Variants in AOPEP observed in about 807,000 individuals in gnomAD.
AOPEP encodes the protein aminopeptidase O (putative), also known as aminopeptidase O.
Under a neutral mutation model 98.1 loss-of-function variants are expected in AOPEP, and 77 were observed. That is an observed-to-expected ratio of 0.78 (90% CI 0.65 to 0.95). AOPEP has a LOEUF of 0.95. Ranked by LOEUF, AOPEP falls within the 40% of genes least tolerant of loss-of-function variation. The pLI is 0.00. For synonymous variants in AOPEP, 346 were observed against 365.3 expected (o/e 0.95, Z 0.60); for missense variants, 1,024 against 1,024.7 (o/e 1.00, Z 0.01).
chr9:94,926,814 G>A (rs1174385795), intron 6 of AOPEP, among the ~76,000 whole-genome samples: 3 of 152,080 alleles, frequency 2.0e-5, no homozygotes, highest in East Asian at 1.9e-4. Flanking sequence ...GGTGGGTTGC[G>A]GGGGACATGT....
At chr9:95,037,225 T>C (rs930446104) in intron 13 of AOPEP, among the ~76,000 whole-genome samples, 3 of 152,208 alleles carry the variant, frequency 2.0e-5, no homozygotes, top group African/African-American at 7.2e-5. Flanking sequence ...TAGCCTTTAT[T>C]TTGATTTTTT....
the AOPEP span, among the ~76,000 whole-genome samples, chr9:95,105,527 TATAC>T: frequency 1.3e-5 from 2 of 152,178 alleles, no homozygotes. Context: ...TGTGGTAAAA[TATAC>T]ATAAAATGTG....
chr9:94,733,859 C>A (rs547651743), intron 1 of AOPEP, among the ~76,000 whole-genome samples: 2 of 152,228 alleles, frequency 1.3e-5, no homozygotes, highest in Admixed American at 1.3e-4. Flanking sequence ...AATACATGTT[C>A]AGTTTACCAC....
intron 1 of AOPEP, among the ~76,000 whole-genome samples, chr9:94,749,346 A>G (rs1835181214): frequency 6.6e-6 from 1 of 152,048 alleles, no homozygotes; most frequent in African/African-American, 2.4e-5. Flanking sequence ...GATGCTTCAG[A>G]TCCATCTTGT....
At chr9:95,126,814 T>C in the AOPEP span, 5 of 509,742 alleles carry the variant, frequency 9.8e-6, no homozygotes, top group Non-Finnish European at 1.8e-5. Flanking sequence ...TACTCCTGTA[T>C]GTCCCACATT....
intron 11 of AOPEP, among the ~76,000 whole-genome samples, chr9:94,985,523 T>C (rs1404149739): frequency 1.3e-5 from 2 of 152,214 alleles, no homozygotes; most frequent in Non-Finnish European, 2.9e-5. Context: ...GTATTATCAA[T>C]ATAATTTTAA....
intron 3 of AOPEP, among the ~76,000 whole-genome samples, chr9:94,789,846 G>A (rs111890877): frequency 0.065 from 9,937 of 151,784 alleles, 1,080 homozygotes; most frequent in African/African-American, 0.23. Flanking sequence ...GGATTTGATT[G>A]TCCCTTTAAG....
chr9:95,093,796 A>G, the AOPEP span, among the ~76,000 whole-genome samples: 1 of 152,080 alleles, frequency 6.6e-6, no homozygotes, highest in East Asian at 1.9e-4. Flanking sequence ...CATTGCATGG[A>G]CGCGCTGTAA....
At chr9:94,807,725 C>T (rs564619695) in intron 5 of AOPEP, among the ~76,000 whole-genome samples, 28 of 152,354 alleles carry the variant, frequency 1.8e-4, no homozygotes, top group Non-Finnish European at 3.8e-4. Flanking sequence ...CAAGCTCTTT[C>T]TCCTTATACC....
intron 10 of AOPEP, among the ~76,000 whole-genome samples, chr9:94,969,553 G>A (rs527376856): frequency 1.1e-3 from 161 of 151,804 alleles, no homozygotes; most frequent in Admixed American, 3.5e-3. Context: ...GACTATAGGC[G>A]CCCGCCACCA....
intron 5 of AOPEP, among the ~76,000 whole-genome samples, chr9:94,917,842 C>G (rs1028124674): frequency 6.6e-6 from 1 of 152,138 alleles, no homozygotes; most frequent in Non-Finnish European, 1.5e-5. Flanking sequence ...TTGTAATGAG[C>G]TTCCTTCGTC....
the AOPEP span, chr9:95,126,416 A>C: frequency 9.5e-7 from 1 of 1,053,664 alleles, no homozygotes; most frequent in Non-Finnish European, 1.4e-6. Flanking sequence ...AGGGAATCAG[A>C]AACTCTAATT....
In AOPEP at chr9:94,954,888, CGT is replaced by C. The variant is rs2058349816; in HGVS notation, c.1662-288_1662-287del. Reference sequence around the variant, plus strand: ...CAGTCTGTCATCAAAAAAGGGTATACGTTCTTAGATAATTTATAGTAGAGCTT... The same window carrying C: ...CAGTCTGTCATCAAAAAAGGGTATACTCTTAGATAATTTATAGTAGAGCTT... On this transcript the variant is annotated intron_variant, in intron 7 of 16. Transcript: ENST00000375315. 2.6e-5 allele frequency among the ~76,000 whole-genome samples: 4 copies of C among 152,156 alleles called. No homozygotes were observed. The South Asian group carries it at 8.3e-4, about 31-fold the overall frequency.
chr9:94,783,729 A>G (rs940698419), intron 3 of AOPEP, among the ~76,000 whole-genome samples: 1 of 152,118 alleles, frequency 6.6e-6, no homozygotes, highest in Non-Finnish European at 1.5e-5. Context: ...TACATTCTCT[A>G]TAGTATGTCT....
chr9:94,831,549 T>G (rs1855961678), intron 5 of AOPEP, among the ~76,000 whole-genome samples: 1 of 152,150 alleles, frequency 6.6e-6, no homozygotes, highest in Admixed American at 6.5e-5. Flanking sequence ...TCTTTTTTGG[T>G]TTCATATGAA....
At chr9:94,916,475 C>G (rs1274968657) in intron 5 of AOPEP, among the ~76,000 whole-genome samples, 1 of 152,024 alleles carries the variant, frequency 6.6e-6, no homozygotes, top group Non-Finnish European at 1.5e-5. Context: ...GAGGCCGAGG[C>G]GGGCAGACCA....
In AOPEP at chr9:94,760,183, A is replaced by C. The variant is rs748758470; in HGVS notation, c.400A>C (p.Thr134Pro). Residue 134 changes from threonine to proline, a missense_variant, in exon 2 of 17, where the codon ACA (threonine) becomes CCA (proline). By Grantham distance (38) the Thr-to-Pro change is conservative. Coordinates refer to ENST00000375315, the MANE Select transcript of AOPEP (RefSeq NM_001193329.3). ...GISSSKYCCD[T>P]GNHGSEDFLL... ...TTCTAGCTCAAAGTACTGCTGTGACACAGGGAATCATGGGAGTGAGGATTT... is the reference window on the plus strand; with the variant it reads ...TTCTAGCTCAAAGTACTGCTGTGACCCAGGGAATCATGGGAGTGAGGATTT... The C allele has an allele frequency of 6.2e-7, 1 of 1,614,104 alleles. No homozygotes were observed. Among genetic ancestry groups the C allele is most frequent in the Non-Finnish European group, 8.5e-7 (1 of 1,180,052 alleles).
chr9:95,037,438 G>A (rs1370336068), intron 13 of AOPEP, among the ~76,000 whole-genome samples: 2 of 152,180 alleles, frequency 1.3e-5, no homozygotes, highest in Non-Finnish European at 2.9e-5. Flanking sequence ...GTTAAAGAGA[G>A]TGGGTAGAAT....
chr9:95,134,332 T>C, the AOPEP span, among the ~76,000 whole-genome samples: 116 of 152,302 alleles, frequency 7.6e-4, no homozygotes, highest in African/African-American at 2.6e-3. Flanking sequence ...AGGGGTTCTA[T>C]GAGCTCAGGA....
Sources: gnomAD v4.1 joint callset for allele counts (sites outside exome capture counted in the v4.1 genomes callset) on GRCh38, gnomAD v4.1.1 for gene constraint, MANE v1.5 for transcripts, NCBI Gene and HGNC (gene_info 2026-07-23, HGNC 2026-07-21) for gene names.